Variants in PLCD3 observed in about 807,000 individuals in gnomAD.
PLCD3 encodes phospholipase C delta 3.
Under a neutral mutation model 82.8 loss-of-function variants are expected in PLCD3, and 62 were observed. That is an observed-to-expected ratio of 0.75 (90% CI 0.61 to 0.93). The LOEUF is 0.93. Ranked by LOEUF, PLCD3 falls within the 40% of genes least tolerant of loss-of-function variation. PLCD3 has a pLI of 0.00. For synonymous variants in PLCD3, 478 were observed against 471.8 expected, an observed-to-expected ratio of 1.01 and a Z score of -0.17; for missense variants, 1,023 against 1,103.4, an observed-to-expected ratio of 0.93 and a Z score of 1.03.
intron 10 of PLCD3, 47 bp downstream of exon 10, chr17:45,115,047 G>A: frequency 6.4e-7 from 1 of 1,554,552 alleles, no homozygotes; most frequent in Non-Finnish European, 8.7e-7. Flanking sequence ...CCCTTCAGGA[G>A]GTCTCTCACC....
Position 45,132,266 on chromosome 17 carries a change from G to T in PLCD3, c.145C>A (p.Arg49=), listed in dbSNP as rs1293543487. The change falls in exon 1 of 15, where the codon CGG becomes AGG. Residue 49 remains arginine, a synonymous_variant. Transcript: ENST00000619929. The surrounding 1 kb of genome is among the most constrained non-coding windows in gnomAD (Gnocchi z 4.6). Reference sequence around the variant, plus strand: ...CACTGACCCATCTTCTTCAGCGCCCGCAGCCCGGGCCTCTTGGTGCCGCCA... The same window carrying T: ...CACTGACCCATCTTCTTCAGCGCCCTCAGCCCGGGCCTCTTGGTGCCGCCA... ...SDGGTKRPGL[R]ALKKMGLTED... is the part of the protein sequence containing the mutation. 2 of 1,274,840 alleles carry T rather than the reference G, an allele frequency of 1.6e-6. No individual in the cohort carries two copies. Among genetic ancestry groups the T allele is most frequent in the African/African-American group, 1.5e-5 (1 of 65,832 alleles). The allele number at this position is 1,274,840 out of a possible 1,614,324, so 79.0% of individuals were successfully genotyped here.
chr17:45,122,654 C>A (rs1214102755), intron 1 of PLCD3, among the ~76,000 whole-genome samples: 1 of 152,156 alleles, frequency 6.6e-6, no homozygotes, highest in Non-Finnish European at 1.5e-5. Context: ...AAAATGGAGA[C>A]CACAATCATA....
intron 1 of PLCD3, among the ~76,000 whole-genome samples, chr17:45,129,955 GGGGTGT>G (rs2054407446): frequency 6.6e-6 from 1 of 152,222 alleles, no homozygotes; most frequent in Admixed American, 6.5e-5. Context: ...GTTAGGCTAA[GGGGTGT>G]GGTGATGGCA....
rs758644247 is a variant in PLCD3, at chr17:45,121,105, G to A, written c.351C>T (p.Val117=). 6.5e-7 allele frequency: 1 copy of A among 1,529,506 alleles called. No individual in the cohort carries two copies. The highest frequency in any genetic ancestry group is 2.0e-5 in the Admixed American group (1 of 49,878). The allele number at this position is 1,529,506 out of a possible 1,614,324, so 94.7% of individuals were successfully genotyped here. A position where few individuals can be genotyped will look rare whatever the true frequency, so the allele number is the denominator to read the frequency against. The change falls in exon 3 of 15, where the codon GTC becomes GTT. Residue 117 remains valine, a synonymous_variant. Transcript: ENST00000619929. ...GGCCCTCGGACTGGTGGCCCTCGCG[G>A]ACCGCCTCGATGTGCTGCACGAAGA... The part of the protein sequence containing the change: ...HIFFVQHIEA[V]REGHQSEGLR...
chr17:45,120,503 C>A (rs2054327846), intron 3 of PLCD3, 49 bp from the exon 4 acceptor site: 2 of 1,611,300 alleles, frequency 1.2e-6, no homozygotes, highest in South Asian at 2.2e-5. Flanking sequence ...GCCCCCAGCC[C>A]TCAGGTAACT....
chr17:45,112,936 C>A lies in PLCD3; in HGVS notation c.2208G>T (p.Val736=). ...TGGGGGAGGTGGCGTCATAATCTTC[C>A]ACCACAAACCGGACCAGTGCCAGCT... ...APELALVRFV[V]EDYDATSPND... is the part of the protein sequence containing the mutation. The change falls in exon 14 of 15, where the codon GTG becomes GTT. Residue 736 remains valine, a synonymous_variant. Transcript: ENST00000619929. 2 of 1,612,996 alleles carry A rather than the reference C, an allele frequency of 1.2e-6. No individual in the cohort carries two copies. The highest frequency in any genetic ancestry group is 1.7e-6 in the Non-Finnish European group (2 of 1,179,430).
chr17:45,122,293 A>G (rs1430086437), intron 1 of PLCD3, among the ~76,000 whole-genome samples: 1 of 152,212 alleles, frequency 6.6e-6, no homozygotes, highest in Non-Finnish European at 1.5e-5. Flanking sequence ...GTGAGCCAAG[A>G]TTGCGCCACT....
intron 4 of PLCD3, 155 bp from the exon 5 acceptor site, chr17:45,119,198 G>A (rs2054317835): frequency 1.6e-6 from 1 of 634,344 alleles, no homozygotes; most frequent in Non-Finnish European, 2.7e-6. Flanking sequence ...TCACACAGCT[G>A]GTAAATTACA....
intron 10 of PLCD3, 26 bp downstream of exon 10, chr17:45,115,068 C>CA (rs1202841544): frequency 3.2e-6 from 5 of 1,580,738 alleles, no homozygotes; most frequent in Non-Finnish European, 3.4e-6. Flanking sequence ...CTCTCGCCCC[C>CA]AGACACCCAG....
intron 1 of PLCD3, among the ~76,000 whole-genome samples, chr17:45,125,411 C>A (rs2054374072): frequency 6.6e-6 from 1 of 152,232 alleles, no homozygotes; most frequent in African/African-American, 2.4e-5. Flanking sequence ...CCAGCCTGAC[C>A]AACATGGTGA....
At chr17:45,117,631 CTG>C (rs1275286030) in intron 7 of PLCD3, among the ~76,000 whole-genome samples, 2 of 152,198 alleles carry the variant, frequency 1.3e-5, no homozygotes, top group Non-Finnish European at 2.9e-5. Context: ...GATTTGCACA[CTG>C]TGACCAAAGT....
intron 1 of PLCD3, among the ~76,000 whole-genome samples, chr17:45,121,834 A>T (rs535351118): frequency 2.6e-4 from 39 of 152,258 alleles, no homozygotes; most frequent in Middle Eastern, 3.4e-3. Flanking sequence ...TACTAAAAAT[A>T]CAAAATTAGC....
chr17:45,131,544 C>T (rs1013786631), intron 1 of PLCD3, among the ~76,000 whole-genome samples: 1 of 152,228 alleles, frequency 6.6e-6, no homozygotes, highest in Non-Finnish European at 1.5e-5. Flanking sequence ...AATTCCTTGC[C>T]GTCTCTGAGT....
chr17:45,113,717 T>A, intron 11 of PLCD3, 112 bp from the exon 12 acceptor site: 1 of 1,330,112 alleles, frequency 7.5e-7, no homozygotes, highest in Non-Finnish European at 1.0e-6. Flanking sequence ...ACTGTCTGCT[T>A]AGTGCTGCTC....
chr17:45,115,922 T>C (rs1455127775), intron 8 of PLCD3, among the ~76,000 whole-genome samples: 1 of 152,220 alleles, frequency 6.6e-6, no homozygotes, highest in East Asian at 1.9e-4. Context: ...TAGAGATGGT[T>C]ACTTCTTGTG....
chr17:45,121,443 G>A (rs2054340318), intron 1 of PLCD3, 71 bp from the exon 2 acceptor site: 1 of 1,423,836 alleles, frequency 7.0e-7, no homozygotes, highest in East Asian at 2.7e-5. Flanking sequence ...CCCCCGCTAG[G>A]ACCTGCTGCC....
At chr17:45,122,396 T>C (rs11653145) in intron 1 of PLCD3, among the ~76,000 whole-genome samples, 71,071 of 152,072 alleles carry the variant, frequency 0.47, 16,791 homozygotes, top group South Asian at 0.58. Context: ...CATGTACTAA[T>C]AGACAAGGAA....
intron 4 of PLCD3, 118 bp downstream of exon 4, chr17:45,120,207 C>G (rs1330643082): frequency 2.9e-5 from 40 of 1,384,020 alleles, no homozygotes; most frequent in South Asian, 2.4e-4. Context: ...AAAGGCTGCT[C>G]GCTCCAAAAA....
chr17:45,128,125 G>A (rs982041391), intron 1 of PLCD3, among the ~76,000 whole-genome samples: 14 of 152,148 alleles, frequency 9.2e-5, no homozygotes, highest in African/African-American at 3.1e-4. Context: ...CATGTCCCCC[G>A]TGACCCAGCT....
Sources: allele counts gnomAD v4.1 joint callset (sites outside exome capture counted in the v4.1 genomes callset), GRCh38; gene constraint gnomAD v4.1.1; non-coding constraint Gnocchi (gnomAD v3.1); transcripts MANE v1.5; gene names NCBI Gene and HGNC (gene_info 2026-07-23, HGNC 2026-07-21).